Variants in KDM6B observed in about 807,000 individuals in gnomAD.
The protein encoded by KDM6B is lysine demethylase 6B.
A neutral mutation model predicts 150.4 loss-of-function variants in KDM6B; 22 were observed. The observed-to-expected ratio is 0.15, with a 90% confidence interval of 0.10 to 0.21. The LOEUF (loss-of-function observed/expected upper bound fraction) is 0.21, where lower values mean the gene tolerates loss of function less well. KDM6B is among the 10% of genes least tolerant of loss of function. The probability of loss-of-function intolerance (pLI) is 1.00; values close to 1 mark genes in which losing one functional copy is unlikely to be tolerated. For missense variants in KDM6B, 1,984 were observed against 2,234.3 expected (o/e 0.89, Z 2.26); for synonymous variants, 1,148 against 921.1 (o/e 1.25, Z -4.46).
Position 7,848,508 on chromosome 17 carries a change from A to T in KDM6B, c.2220A>T (p.Thr740=), listed in dbSNP as rs1187936702. The stretch of plus-strand genomic sequence containing the variant: ...TGCAGTCTCCTTTCCCCACCGACAC[A>T]GCCCCCACCACTACTGCTCCTGCTG... ...ASLQSPFPTD[T]APTTTAPAVA... The change falls in exon 12 of 24, where the codon ACA becomes ACT. Residue 740 remains threonine, a synonymous_variant. Coordinates refer to ENST00000448097, the MANE Select transcript of KDM6B (RefSeq NM_001348716.2). 5 of 1,605,646 alleles carry T rather than the reference A, an allele frequency of 3.1e-6. No homozygotes were observed. The highest frequency in any genetic ancestry group is 4.2e-6 in the Non-Finnish European group (5 of 1,178,252).
Position 7,845,586 on chromosome 17 carries a change from G to A in KDM6B, c.32G>A (p.Arg11His), listed in dbSNP as rs779450351. 2 of 1,614,142 alleles carry A rather than the reference G, an allele frequency of 1.2e-6. No individual in the cohort carries two copies. Among genetic ancestry groups the A allele is most frequent in the Admixed American group, 1.7e-5 (1 of 60,028 alleles). ...CGGGCAGTGGACCCTCCAGGGGCCCGCGCTGCACGGGAAGCCTTTGCCCTT... is the reference window on the plus strand; with the variant it reads ...CGGGCAGTGGACCCTCCAGGGGCCCACGCTGCACGGGAAGCCTTTGCCCTT... MHRAVDPPGA[R>H]AAREAFALGG... is the part of the protein sequence containing the mutation. Residue 11 changes from arginine (R) to histidine (H), a missense_variant, in exon 5 of 24, where the codon CGC (arginine) becomes CAC (histidine). Physicochemically the swap from Arg to His is conservative, Grantham distance 29. Around this residue, in one of 13 missense-constraint regions of KDM6B, gnomAD observed 337 missense variants for 323.9 expected, o/e 1.04. Transcript: ENST00000448097.
At position 7,847,845 on chromosome 17, in the gene KDM6B, C is replaced by A; in HGVS notation, c.1557C>A (p.Leu519=). 6.4e-7 allele frequency: 1 copy of A among 1,557,596 alleles called. No individual in the cohort carries two copies. The highest frequency in any genetic ancestry group is 8.7e-7 in the Non-Finnish European group (1 of 1,149,916). ...EGPPRPAPPP[L]PHREGFLGPP... ...CCCCCCGCCCTGCCCCACCACCCCT[C>A]CCCCATCGCGAGGGCTTCTTGGGGC... is the stretch of plus-strand genomic sequence containing the variant. Residue 519 remains leucine (L), a synonymous_variant, in exon 12 of 24, where the codon CTC becomes CTA. Coordinates refer to ENST00000448097, the MANE Select transcript of KDM6B (RefSeq NM_001348716.2).
At chr17:7,852,363 TGG>T in intron 20 of KDM6B, 27 bp downstream of exon 20, 1 of 1,611,832 alleles carries the variant, frequency 6.2e-7, no homozygotes, top group Non-Finnish European at 8.5e-7. Flanking sequence ...GGTGTTGGCG[TGG>T]TGTGGCGCCT....
At chr17:7,842,322 C>T (rs144784702) in intron 2 of KDM6B, among the ~76,000 whole-genome samples, 275 of 152,270 alleles carry the variant, frequency 1.8e-3, no homozygotes, top group Non-Finnish European at 2.9e-3. Flanking sequence ...AGGGTGTGGC[C>T]TCGGCGGGAG....
In KDM6B at chr17:7,849,057, C is replaced by G. The variant is rs1229736038; in HGVS notation, c.2769C>G (p.Thr923=). Reference sequence around the variant, plus strand: ...AAGAGATCAGCCGGGCTTGCGAGACCCTTGTGGAGCGGGTGGGCCGGAGTG... The same window carrying G: ...AAGAGATCAGCCGGGCTTGCGAGACGCTTGTGGAGCGGGTGGGCCGGAGTG... ...VLEEISRACE[T]LVERVGRSAT... is the part of the protein sequence containing the mutation. The change falls in exon 12 of 24, where the codon ACC becomes ACG. Residue 923 remains threonine, a synonymous_variant. Transcript: ENST00000448097. 2.5e-6 allele frequency: 4 copies of G among 1,612,126 alleles called. No homozygotes were observed. The highest frequency in any genetic ancestry group is 1.3e-5 in the African/African-American group (1 of 75,036).
At chr17:7,850,531 TAC>T (rs1318667477) in intron 14 of KDM6B, among the ~76,000 whole-genome samples, 1 of 152,208 alleles carries the variant, frequency 6.6e-6, no homozygotes, top group Non-Finnish European at 1.5e-5. Context: ...TGTATAGAAA[TAC>T]AAAGGTCAAT....
At position 7,853,529 on chromosome 17, in the gene KDM6B, C is replaced by G; in HGVS notation, c.*8C>G. 6.9e-7 allele frequency: 1 copy of G among 1,445,520 alleles called. No homozygotes were observed. The highest frequency in any genetic ancestry group is 9.0e-7 in the Non-Finnish European group (1 of 1,105,442). The allele number at this position is 1,445,520 out of a possible 1,614,324, so 89.5% of individuals were successfully genotyped here. On this transcript the variant is annotated 3_prime_UTR_variant, in exon 24 of 24. Coordinates refer to ENST00000448097, the MANE Select transcript of KDM6B (RefSeq NM_001348716.2). ...GCCAGCACGTCGCGATGAGGCCGGA[C>G]GCCCCGCCCGCCTGCCTGCCCGCGC...
At position 7,845,367 on chromosome 17, in the gene KDM6B, C is replaced by G; in HGVS notation, c.-95C>G. 1 of 730,198 alleles carries G rather than the reference C, an allele frequency of 1.4e-6. No homozygotes were observed. Among genetic ancestry groups the G allele is most frequent in the Non-Finnish European group, 2.4e-6 (1 of 410,894 alleles). 45.2% of individuals were successfully genotyped at this position (730,198 alleles called of 1,614,324 possible). On this transcript the variant is annotated 5_prime_UTR_variant, in exon 4 of 24. The change creates a new upstream start codon in the 5' untranslated region. Transcript: ENST00000448097. Reference sequence around the variant, plus strand: ...ATCTGGGGGTAGCGGGCACTCTTATCAGAGCGGCTGGAGCCGGACCATCGT... The same window carrying G: ...ATCTGGGGGTAGCGGGCACTCTTATGAGAGCGGCTGGAGCCGGACCATCGT...
chr17:7,847,269 T>A lies in KDM6B; in HGVS notation c.1074T>A (p.Ser358Arg), dbSNP rs2078571236. 2 of 1,595,532 alleles carry A rather than the reference T, an allele frequency of 1.3e-6. No homozygotes were observed. The highest frequency in any genetic ancestry group is 1.7e-6 in the Non-Finnish European group (2 of 1,176,756). The stretch of plus-strand genomic sequence containing the variant: ...TGCCTGCCACCCGTCCCCCCGGAAG[T>A]GACCTTAGAGAGAGCAGAGTTCAGA... ...GCLPATRPPGSDLRESRVQRS... is the reference protein window; with the variant it reads ...GCLPATRPPGRDLRESRVQRS... Residue 358 changes from serine (S) to arginine (R), a missense_variant, in exon 11 of 24, where the codon AGT (serine) becomes AGA (arginine). Ser to Arg is a moderately radical substitution (Grantham distance 110). Coordinates refer to ENST00000448097, the MANE Select transcript of KDM6B (RefSeq NM_001348716.2).
At chr17:7,842,876 G>A (rs1180158245) in intron 2 of KDM6B, among the ~76,000 whole-genome samples, 2 of 152,106 alleles carry the variant, frequency 1.3e-5, no homozygotes, top group Non-Finnish European at 2.9e-5. Flanking sequence ...GGGGGCGGGG[G>A]GGCGAGTGAG....
In KDM6B at chr17:7,847,205, C is replaced by G; in HGVS notation, c.1010C>G (p.Pro337Arg). The G allele has an allele frequency of 1.3e-6, 2 of 1,599,654 alleles. No homozygotes were observed. The highest frequency in any genetic ancestry group is 1.7e-6 in the Non-Finnish European group (2 of 1,175,908). The part of the protein sequence containing the change: ...HRLVPAAPPG[P>R]GPRPPGAESH... ...CTGGTCCCGGCTGCTCCCCCAGGCC[C>G]AGGCCCCCGCCCCCCAGGAGCAGAG... The change falls in exon 11 of 24, where the codon CCA becomes CGA. Residue 337 changes from proline (P) to arginine (R), a missense_variant. Around this residue, in one of 13 missense-constraint regions of KDM6B, gnomAD observed 1,379 missense variants for 1,275.6 expected, o/e 1.08. Transcript: ENST00000448097.
chr17:7,852,831 G>A (rs1413138721), intron 21 of KDM6B, among the ~76,000 whole-genome samples, 169 bp from the exon 22 acceptor site: 4 of 152,214 alleles, frequency 2.6e-5, no homozygotes, highest in Non-Finnish European at 4.4e-5. Flanking sequence ...AAAAGCCACA[G>A]GAAACTTCGC....
intron 14 of KDM6B, among the ~76,000 whole-genome samples, chr17:7,850,463 GCTCT>G (rs146945141): frequency 2.4e-4 from 37 of 152,302 alleles, no homozygotes; most frequent in Admixed American, 8.5e-4. Flanking sequence ...TGATGTTGGG[GCTCT>G]CTCTCAGTCT....
intron 1 of KDM6B, among the ~76,000 whole-genome samples, chr17:7,835,514 G>A (rs897635390): frequency 1.1e-4 from 16 of 152,052 alleles, no homozygotes; most frequent in African/African-American, 3.4e-4. Flanking sequence ...TCCCTCCCCT[G>A]GGTTGCTTGT....
At position 7,851,935 on chromosome 17, in the gene KDM6B, C is replaced by CT. The variant is rs769394242; in HGVS notation, c.4166-15dup. 5.4e-5 allele frequency: 87 copies of CT among 1,612,450 alleles called. No individual in the cohort carries two copies. The highest frequency in any genetic ancestry group is 7.0e-5 in the Non-Finnish European group (83 of 1,179,054). On this transcript the variant is annotated splice_polypyrimidine_tract_variant and intron_variant, in intron 18 of 23. Transcript: ENST00000448097. ...CCGACCTGGCCAGCCATGCCGTTCT[C>CT]TGTCGACCCCTGCAGGCCACCAGGA...
chr17:7,843,041 G>A lies in KDM6B; in HGVS notation c.-268-1860G>A, dbSNP rs780468539. On this transcript the variant is annotated intron_variant, in intron 2 of 23. Transcript: ENST00000448097. This position sits in a 1 kb window ranked among gnomAD's most constrained non-coding sequence, Gnocchi z 4.5. ...TTTGTGGATAAAGGTGGAAGAGCAG[G>A]GAGCTGGAGGGACGGCACTCACTGA... is the stretch of plus-strand genomic sequence containing the variant. Among the ~76,000 whole-genome samples the A allele has an allele frequency of 6.6e-6, 1 of 152,108 alleles. No homozygotes were observed. Among genetic ancestry groups the A allele is most frequent in the Non-Finnish European group, 1.5e-5 (1 of 68,034 alleles).
Position 7,848,733 on chromosome 17 carries a change from G to A in KDM6B, c.2445G>A (p.Lys815=). Residue 815 remains lysine, a synonymous_variant, in exon 12 of 24, where the codon AAG becomes AAA. Transcript: ENST00000448097. ...TGGCCTCCGTGCTGGAGGGACAAAA[G>A]TACTGTTATCGGGGGACTGGAGCAG... ...KSLASVLEGQ[K]YCYRGTGAAV... The A allele has an allele frequency of 6.2e-7, 1 of 1,612,984 alleles. No individual in the cohort carries two copies. Among genetic ancestry groups the A allele is most frequent in the South Asian group, 1.1e-5 (1 of 91,090 alleles).
rs894746597 is a variant in KDM6B at position 7,844,407 on chromosome 17, G to A, written c.-268-494G>A. On this transcript the variant is annotated intron_variant, in intron 2 of 23. Coordinates refer to ENST00000448097, the MANE Select transcript of KDM6B (RefSeq NM_001348716.2). This position sits in a 1 kb window ranked among gnomAD's most constrained non-coding sequence, Gnocchi z 5.9. The stretch of plus-strand genomic sequence containing the variant: ...TGGGTCGGGGTCAGGCGTTGGGGGT[G>A]GAGCGCCGATAGCGGCGCGGACGGG... The A allele has an allele frequency of 6.6e-6, 1 of 152,576 alleles. No individual in the cohort carries two copies. Among genetic ancestry groups the A allele is most frequent in the Admixed American group, 6.5e-5 (1 of 15,294 alleles). 9.5% of individuals were successfully genotyped at this position (152,576 alleles called of 1,614,324 possible).
In KDM6B at chr17:7,845,391, G is replaced by A. The variant is rs2078510961; in HGVS notation, c.-71G>A. 2 of 869,234 alleles carry A rather than the reference G, an allele frequency of 2.3e-6. No individual in the cohort carries two copies. Among genetic ancestry groups the A allele is most frequent in the South Asian group, 1.4e-5 (1 of 72,790 alleles). 53.8% of individuals were successfully genotyped at this position (869,234 alleles called of 1,614,324 possible). On this transcript the variant is annotated 5_prime_UTR_variant, in exon 4 of 24. Coordinates refer to ENST00000448097, the MANE Select transcript of KDM6B (RefSeq NM_001348716.2). ...TCAGAGCGGCTGGAGCCGGACCATC[G>A]TCCCAGAGAGCTGGGGCAGGGGGCC... is the stretch of plus-strand genomic sequence containing the variant.
Sources: allele counts gnomAD v4.1 joint callset (sites outside exome capture counted in the v4.1 genomes callset), GRCh38; gene constraint gnomAD v4.1.1; regional missense constraint gnomAD v4.1.1; non-coding constraint Gnocchi (gnomAD v3.1); transcripts MANE v1.5; gene names NCBI Gene and HGNC (gene_info 2026-07-23, HGNC 2026-07-21).